Variants in TYW1 observed in about 807,000 individuals in gnomAD.
The protein encoded by TYW1 is tRNA-yW synthesizing protein 1 homolog, also known as S-adenosyl-L-methionine-dependent tRNA 4-demethylwyosine synthase TYW1.
Under a neutral mutation model 96.2 loss-of-function variants are expected in TYW1, and 46 were observed. The observed-to-expected ratio is 0.48, with a 90% confidence interval of 0.38 to 0.61. The LOEUF (loss-of-function observed/expected upper bound fraction) is 0.61. Ranked by LOEUF, TYW1 falls within the 20% of genes least tolerant of loss-of-function variation. The pLI is 0.00. For missense variants in TYW1, 684 were observed against 909.6 expected (o/e 0.75, Z 3.19); for synonymous variants, 274 against 323.0 (o/e 0.85, Z 1.63).
At chr7:67,160,867 G>A (rs376223950) in intron 13 of TYW1, among the ~76,000 whole-genome samples, 11 of 151,906 alleles carry the variant, frequency 7.2e-5, no homozygotes, top group Non-Finnish European at 1.5e-4. Flanking sequence ...GCTGGGATTA[G>A]AGGCGTGATC....
At chr7:67,185,842 G>T (rs1350195646) in intron 14 of TYW1, among the ~76,000 whole-genome samples, 17 of 150,960 alleles carry the variant, frequency 1.1e-4, no homozygotes, top group African/African-American at 4.2e-4. Flanking sequence ...AGCCAACTCT[G>T]CTCATTTCCG....
chr7:67,108,600 C>T (rs62468380), intron 12 of TYW1, among the ~76,000 whole-genome samples: 1 of 151,766 alleles, frequency 6.6e-6, no homozygotes, highest in Non-Finnish European at 1.5e-5. Flanking sequence ...CGCCACCACA[C>T]CGGCTAATTT....
chr7:67,013,904 C>T (rs187637959), intron 4 of TYW1, among the ~76,000 whole-genome samples: 292 of 151,864 alleles, frequency 1.9e-3, no homozygotes, highest in African/African-American at 5.5e-3. Context: ...CCACCACGCC[C>T]GGCTAATTTT....
intron 3 of TYW1, among the ~76,000 whole-genome samples, chr7:67,003,869 C>T (rs1378617140): frequency 6.6e-6 from 1 of 151,816 alleles, no homozygotes; most frequent in Non-Finnish European, 1.5e-5. Flanking sequence ...ATGGCAAAAC[C>T]CCATTTGTAC....
intron 7 of TYW1, among the ~76,000 whole-genome samples, chr7:67,034,034 T>C (rs1323037683): frequency 1.3e-5 from 2 of 151,846 alleles, no homozygotes; most frequent in African/African-American, 4.8e-5. Flanking sequence ...TTCTCAGATA[T>C]GTCTTTGAAA....
At chr7:67,209,994 T>C (rs1206158868) in intron 15 of TYW1, among the ~76,000 whole-genome samples, 7 of 152,222 alleles carry the variant, frequency 4.6e-5, no homozygotes, top group Non-Finnish European at 1.0e-4. Context: ...CTTACGTTGG[T>C]GTGGTACGTG....
At chr7:67,039,504 T>G (rs1562979226) in intron 7 of TYW1, among the ~76,000 whole-genome samples, 1 of 151,570 alleles carries the variant, frequency 6.6e-6, no homozygotes. Context: ...GGGTACAAGG[T>G]CTGGTCCAGC....
intron 12 of TYW1, among the ~76,000 whole-genome samples, chr7:67,116,768 G>C (rs752413582): frequency 4.6e-4 from 70 of 152,134 alleles, no homozygotes; most frequent in Non-Finnish European, 1.2e-4. Flanking sequence ...ATGAAATGAG[G>C]CAGTGAATTT....
At chr7:67,112,124 G>A (rs866297019) in intron 12 of TYW1, among the ~76,000 whole-genome samples, 607 of 105,542 alleles carry the variant, frequency 5.8e-3, no homozygotes, top group East Asian at 0.015. Flanking sequence ...AAAAAAAAAA[G>A]AAAGTGCAAA....
intron 7 of TYW1, among the ~76,000 whole-genome samples, chr7:67,032,597 G>A (rs1231710135): frequency 6.6e-6 from 1 of 152,130 alleles, no homozygotes; most frequent in African/African-American, 2.4e-5. Context: ...CTCCAGTCTG[G>A]GCGATGGGAG....
intron 7 of TYW1, among the ~76,000 whole-genome samples, chr7:67,032,056 A>T (rs1794688591): frequency 1.3e-5 from 2 of 151,950 alleles, no homozygotes; most frequent in Admixed American, 1.3e-4. Flanking sequence ...AAACAATAAC[A>T]ACAAAAAAAC....
At position 67,022,306 on chromosome 7, in the gene TYW1, A is replaced by G. The variant is rs183014510; in HGVS notation, c.862-2594A>G. On this transcript the variant is annotated intron_variant, in intron 6 of 15. Coordinates refer to ENST00000359626, the MANE Select transcript of TYW1 (RefSeq NM_018264.4). ...AGCTGCTTTGGTGTTAGAGGGGCAG[A>G]TTTGCATAGTAAAGACAGGATTGTA... 2.3e-4 allele frequency among the ~76,000 whole-genome samples: 35 copies of G among 152,300 alleles called. No homozygotes were observed. The East Asian group carries it at 6.4e-3, about 28-fold the overall frequency.
At chr7:67,119,913 A>T (rs1208062538) in intron 13 of TYW1, among the ~76,000 whole-genome samples, 1 of 151,980 alleles carries the variant, frequency 6.6e-6, no homozygotes. Context: ...TCAGCCTTCC[A>T]AGTACTGGGA....
intron 8 of TYW1, among the ~76,000 whole-genome samples, chr7:67,052,527 A>G (rs1405250960): frequency 3.3e-5 from 5 of 152,024 alleles, no homozygotes; most frequent in East Asian, 3.9e-4. Context: ...TTCCACATCT[A>G]TTACCTTTTT....
chr7:67,029,686 T>C (rs986615233), intron 7 of TYW1, among the ~76,000 whole-genome samples: 2 of 152,032 alleles, frequency 1.3e-5, no homozygotes, highest in East Asian at 1.9e-4. Flanking sequence ...ATAGTTAAGA[T>C]TGCAGGTTTG....
At chr7:67,085,683 A>G (rs1377360436) in intron 11 of TYW1, among the ~76,000 whole-genome samples, 8 of 152,208 alleles carry the variant, frequency 5.3e-5, no homozygotes, top group African/African-American at 1.9e-4. Context: ...ATAATTATTC[A>G]GTAGGCTTAG....
chr7:67,052,978 T>C (rs973028817), intron 8 of TYW1, among the ~76,000 whole-genome samples: 2 of 152,000 alleles, frequency 1.3e-5, no homozygotes, highest in African/African-American at 4.8e-5. Context: ...CCTGACCTCC[T>C]GATCTGCCCA....
At chr7:67,167,585 A>C (rs1287084999) in intron 13 of TYW1, among the ~76,000 whole-genome samples, 1 of 151,598 alleles carries the variant, frequency 6.6e-6, no homozygotes, top group Non-Finnish European at 1.5e-5. Context: ...AATTTTTTTA[A>C]AGTCATTAAA....
At chr7:67,013,866 C>T (rs1793908749) in intron 4 of TYW1, among the ~76,000 whole-genome samples, 1 of 150,942 alleles carries the variant, frequency 6.6e-6, no homozygotes, top group Admixed American at 6.6e-5. Flanking sequence ...GCCTCAGCCT[C>T]CTGAGTAGCT....
Sources: allele counts gnomAD v4.1 joint callset (sites outside exome capture counted in the v4.1 genomes callset), GRCh38; gene constraint gnomAD v4.1.1; transcripts MANE v1.5; gene names NCBI Gene and HGNC (gene_info 2026-07-23, HGNC 2026-07-21).